IGF1R: variants seen among roughly 807,000 people sequenced by gnomAD.
The protein encoded by IGF1R is insulin-like growth factor 1 receptor.
In IGF1R, 44 loss-of-function variants were observed where a neutral mutation model predicts 144.6. The ratio of observed to expected loss-of-function variants is 0.30; its 90% CI spans 0.24 to 0.39. IGF1R has a LOEUF of 0.39. IGF1R is among the 10% of genes least tolerant of loss of function. IGF1R has a pLI of 1.00. For synonymous variants in IGF1R, 795 were observed against 722.8 expected, an observed-to-expected ratio of 1.10 and a Z score of -1.60; for missense variants, 1,355 against 1,833.7, an observed-to-expected ratio of 0.74 and a Z score of 4.77.
At position 98,734,617 on chromosome 15, in the gene IGF1R, C is replaced by CT. The variant is rs1254742577; in HGVS notation, c.640+26511dup. On this transcript the variant is annotated intron_variant, in intron 2 of 20. Transcript: ENST00000650285. ...AAGCTTAAGCAGAGGTATGTGCTTGCTAAGTAAGTGTGTGTTTTGGACTAA... is the reference window on the plus strand; with the variant it reads ...AAGCTTAAGCAGAGGTATGTGCTTGCTTAAGTAAGTGTGTGTTTTGGACTAA... The CT allele has an allele frequency of 2.0e-5, 3 of 152,278 alleles. No homozygotes were observed. The East Asian group carries it at 5.8e-4, about 29-fold the overall frequency. 9.4% of individuals were successfully genotyped at this position (152,278 alleles called of 1,614,324 possible).
At chr15:98,763,949 T>C (rs2141357847) in intron 2 of IGF1R, among the ~76,000 whole-genome samples, 1 of 152,330 alleles carries the variant, frequency 6.6e-6, no homozygotes, top group South Asian at 2.1e-4. Flanking sequence ...TTCTGGGTTC[T>C]TAGGAGGGGG....
At chr15:98,713,519 G>A (rs2054045525) in intron 2 of IGF1R, among the ~76,000 whole-genome samples, 1 of 152,170 alleles carries the variant, frequency 6.6e-6, no homozygotes, top group Non-Finnish European at 1.5e-5. Flanking sequence ...CCATTGTGGG[G>A]ATGATTCCAG....
chr15:98,816,987 C>A (rs1041907823), intron 2 of IGF1R, among the ~76,000 whole-genome samples: 1 of 152,164 alleles, frequency 6.6e-6, no homozygotes, highest in Non-Finnish European at 1.5e-5. Flanking sequence ...TCTGTCTGCT[C>A]CAGCAGTGAT....
In IGF1R at chr15:98,891,097, T is replaced by C. The variant is rs560234061; in HGVS notation, c.641-228T>C. 1.3e-5 allele frequency among the ~76,000 whole-genome samples: 2 copies of C among 152,106 alleles called. No individual in the cohort carries two copies. The highest frequency in any genetic ancestry group is 2.1e-4 in the South Asian group (1 of 4,818). On this transcript the variant is annotated intron_variant, in intron 2 of 20. Coordinates refer to ENST00000650285, the MANE Select transcript of IGF1R (RefSeq NM_000875.5). The surrounding 1 kb of genome is among the most constrained non-coding windows in gnomAD (Gnocchi z 4.7). ...GGTTTGTCCCAGACCAAACAAGGAGTTCCTAGGAGAGACTGAACTTTAAAG... is the reference window on the plus strand; with the variant it reads ...GGTTTGTCCCAGACCAAACAAGGAGCTCCTAGGAGAGACTGAACTTTAAAG...
rs548286179 is a variant in IGF1R at position 98,944,090 on chromosome 15, G to C, written c.3587+1038G>C. Among the ~76,000 whole-genome samples, 37 of 152,330 alleles carry C rather than the reference G, an allele frequency of 2.4e-4. No individual in the cohort carries two copies. In the South Asian group the frequency reaches 7.7e-3, roughly 32 times the overall value. ...CAAAGTGCTCTGCATGGTGTTTAGA[G>C]ATTGGGATGGTGAGGAGAGAGCAAG... On this transcript the variant is annotated intron_variant, in intron 19 of 20. Transcript: ENST00000650285.
intron 15 of IGF1R, among the ~76,000 whole-genome samples, chr15:98,930,642 A>G (rs2015903952): frequency 6.6e-6 from 1 of 151,078 alleles, no homozygotes; most frequent in Non-Finnish European, 1.5e-5. Flanking sequence ...ACATCTAGTC[A>G]GAGGATATGC....
intron 2 of IGF1R, chr15:98,890,270 G>T (rs994344258): frequency 3.9e-5 from 6 of 152,172 alleles, no homozygotes; most frequent in African/African-American, 1.4e-4. Flanking sequence ...GAGGTTAAAG[G>T]TCAGCACAAA....
chr15:98,656,391 A>AT (rs1381889326), intron 1 of IGF1R, among the ~76,000 whole-genome samples: 1 of 152,180 alleles, frequency 6.6e-6, no homozygotes, highest in Non-Finnish European at 1.5e-5. Flanking sequence ...TCTACTAAAA[A>AT]TACCAGAATT....
At chr15:98,676,402 C>G (rs914119993) in intron 1 of IGF1R, among the ~76,000 whole-genome samples, 1 of 152,080 alleles carries the variant, frequency 6.6e-6, no homozygotes, top group Non-Finnish European at 1.5e-5. Flanking sequence ...TCCCAAAGTG[C>G]TAGGATTACA....
intron 2 of IGF1R, among the ~76,000 whole-genome samples, chr15:98,830,850 C>G (rs1232421563): frequency 6.6e-6 from 1 of 152,172 alleles, no homozygotes; most frequent in African/African-American, 2.4e-5. Context: ...GTGATCCCCC[C>G]ACCCTGGCTT....
chr15:98,930,490 G>A (rs1596463967), intron 15 of IGF1R, among the ~76,000 whole-genome samples, 185 bp downstream of exon 15: 1 of 151,946 alleles, frequency 6.6e-6, no homozygotes, highest in Admixed American at 6.6e-5. Flanking sequence ...TAGCAGTTCA[G>A]TGAATATGTC....
chr15:98,818,564 T>G (rs2056742211), intron 2 of IGF1R, among the ~76,000 whole-genome samples: 1 of 151,410 alleles, frequency 6.6e-6, no homozygotes, highest in African/African-American at 2.4e-5. Context: ...GGTGAAATAA[T>G]TAGTTGGGGA....
In IGF1R at chr15:98,698,563, C is replaced by A. The variant is rs1446726469; in HGVS notation, c.95-8999C>A. Among the ~76,000 whole-genome samples, 10 of 152,326 alleles carry A rather than the reference C, an allele frequency of 6.6e-5. 1 individual carries two copies. The South Asian group carries it at 1.4e-3, about 22-fold the overall frequency. On this transcript the variant is annotated intron_variant, in intron 1 of 20. Transcript: ENST00000650285. Reference sequence around the variant, plus strand: ...CGCAGGATTTCTCCTTTTGTGACTGCCTTATTTCACTTAGCATAATGTCCT... The same window carrying A: ...CGCAGGATTTCTCCTTTTGTGACTGACTTATTTCACTTAGCATAATGTCCT...
intron 2 of IGF1R, among the ~76,000 whole-genome samples, chr15:98,768,948 C>A (rs1274269367): frequency 6.6e-6 from 1 of 151,594 alleles, no homozygotes; most frequent in East Asian, 1.9e-4. Context: ...ACAACAACAA[C>A]AACAACAACA....
Position 98,922,422 on chromosome 15 carries a change from A to G in IGF1R, c.2476A>G (p.Met826Val), listed in dbSNP as rs764528847. The part of the protein sequence containing the change: ...SASNFVFART[M>V]PAEGADDIPG... Reference sequence around the variant, plus strand: ...CTCCAACTTCGTCTTTGCAAGGACTATGCCCGCAGGTATGGTATGATCCAG... The same window carrying G: ...CTCCAACTTCGTCTTTGCAAGGACTGTGCCCGCAGGTATGGTATGATCCAG... Residue 826 changes from methionine (M) to valine (V), a missense_variant, in exon 11 of 21, where the codon ATG becomes GTG. Physicochemically the swap from Met to Val is conservative, Grantham distance 21. Around this residue, in one of 7 missense-constraint regions of IGF1R, gnomAD observed 880 missense variants for 1,202.7 expected, o/e 0.73. Coordinates refer to ENST00000650285, the MANE Select transcript of IGF1R (RefSeq NM_000875.5). The G allele has an allele frequency of 3.7e-6, 6 of 1,610,772 alleles. No homozygotes were observed. The highest frequency in any genetic ancestry group is 1.7e-4 in the Middle Eastern group (1 of 5,790).
In IGF1R at chr15:98,810,603, C is replaced by T. The variant is rs1194152082; in HGVS notation, c.641-80722C>T. Among the ~76,000 whole-genome samples the T allele has an allele frequency of 6.1e-5, 9 of 148,642 alleles. No individual in the cohort carries two copies. In the South Asian group the frequency reaches 8.5e-4, roughly 14 times the overall value. On this transcript the variant is annotated intron_variant, in intron 2 of 20. Coordinates refer to ENST00000650285, the MANE Select transcript of IGF1R (RefSeq NM_000875.5). ...AGTCTCTGTAGCCCAGGCTGGAGTG[C>T]GGTGGCGCGATCTCTGCTCACTGCA...
chr15:98,765,099 C>A (rs1337430173), intron 2 of IGF1R, among the ~76,000 whole-genome samples: 1 of 152,064 alleles, frequency 6.6e-6, no homozygotes, highest in Non-Finnish European at 1.5e-5. Context: ...TTTCACTTAG[C>A]ATAATATTTT....
At chr15:98,687,787 G>A (rs2053366834) in intron 1 of IGF1R, among the ~76,000 whole-genome samples, 1 of 152,210 alleles carries the variant, frequency 6.6e-6, no homozygotes, top group African/African-American at 2.4e-5. Flanking sequence ...AAGAAATAAA[G>A]CTCTTAAAAG....
Position 98,948,228 on chromosome 15 carries a change from T to C in IGF1R, c.3588-346T>C, listed in dbSNP as rs557422941. On this transcript the variant is annotated intron_variant, in intron 19 of 20. Transcript: ENST00000650285. ...CAAAGCCAGGTTAGGTGATACCGCC[T>C]TGCCAGATAAATGGCCGGGACTAGG... Among the ~76,000 whole-genome samples, 403 of 152,280 alleles carry C rather than the reference T, an allele frequency of 2.6e-3. 2 individuals carry two copies. Among genetic ancestry groups the C allele is most frequent in the African/African-American group, 9.3e-3 (386 of 41,562 alleles).
Sources: gnomAD v4.1 joint callset for allele counts (sites outside exome capture counted in the v4.1 genomes callset) on GRCh38, gnomAD v4.1.1 for gene constraint, gnomAD v4.1.1 regional missense constraint, Gnocchi (gnomAD v3.1) non-coding constraint, MANE v1.5 for transcripts, NCBI Gene and HGNC (gene_info 2026-07-23, HGNC 2026-07-21) for gene names.